Variants in ARMC9 observed in about 807,000 individuals in gnomAD.
ARMC9 encodes the protein armadillo repeat containing 9.
In ARMC9, 94 loss-of-function variants were observed where a neutral mutation model predicts 107.0. That is an observed-to-expected ratio of 0.88 (90% CI 0.74 to 1.04). ARMC9 has a LOEUF of 1.04. Among genes scored for constraint, ARMC9 ranks in the 50% least tolerant of loss-of-function variants. The probability of loss-of-function intolerance (pLI) is 0.00; values close to 1 mark genes in which losing one functional copy is unlikely to be tolerated. For synonymous variants in ARMC9, 380 were observed against 396.9 expected, an observed-to-expected ratio of 0.96 and a Z score of 0.51; for missense variants, 942 against 1,030.1, an observed-to-expected ratio of 0.91 and a Z score of 1.17.
rs1219978932 is a variant in ARMC9 at position 231,375,094 on chromosome 2, A to G, written c.*3559A>G. Reference sequence around the variant, plus strand: ...GAAACTTAGTGGCTTAAACCAACAAATGTATTAGCTTTATAATGATTTGGA... The same window carrying G: ...GAAACTTAGTGGCTTAAACCAACAAGTGTATTAGCTTTATAATGATTTGGA... On this transcript the variant is annotated 3_prime_UTR_variant, in exon 25 of 25. Coordinates refer to ENST00000611582, the MANE Select transcript of ARMC9 (RefSeq NM_001352754.2). This position sits in a 1 kb window ranked among gnomAD's most constrained non-coding sequence, Gnocchi z 4.3. Among the ~76,000 whole-genome samples, 4 of 152,208 alleles carry G rather than the reference A, an allele frequency of 2.6e-5. No individual in the cohort carries two copies. Among genetic ancestry groups the G allele is most frequent in the African/African-American group, 7.2e-5 (3 of 41,456 alleles).
At chr2:231,268,596 T>G (rs1054982636) in intron 12 of ARMC9, among the ~76,000 whole-genome samples, 4 of 152,208 alleles carry the variant, frequency 2.6e-5, no homozygotes, top group African/African-American at 9.6e-5. Flanking sequence ...AACACATCCT[T>G]TAGTTAATAA....
Position 231,323,651 on chromosome 2 carries a change from G to A in ARMC9, c.1774-8142G>A, listed in dbSNP as rs138951856. Among the ~76,000 whole-genome samples, 33 of 152,274 alleles carry A rather than the reference G, an allele frequency of 2.2e-4. 1 individual carries two copies. The highest frequency in any genetic ancestry group is 1.6e-4 in the Non-Finnish European group (11 of 68,026). ...GTTTATATCTACACAGTATCATGGC[G>A]TTCCAAAAGCAGAGAATTTAAGAAA... is the stretch of plus-strand genomic sequence containing the variant. On this transcript the variant is annotated intron_variant, in intron 19 of 24. Coordinates refer to ENST00000611582, the MANE Select transcript of ARMC9 (RefSeq NM_001352754.2).
chr2:231,271,098 A>G, intron 13 of ARMC9, 26 bp downstream of exon 13: 1 of 1,609,766 alleles, frequency 6.2e-7, no homozygotes, highest in South Asian at 1.1e-5. Flanking sequence ...TGCTTCAAAG[A>G]TAAGAGCTAG....
At chr2:231,355,739 C>A in intron 21 of ARMC9, 59 bp from the exon 22 acceptor site, 1 of 1,485,964 alleles carries the variant, frequency 6.7e-7, no homozygotes, top group Non-Finnish European at 9.0e-7. Flanking sequence ...AGTCGGCAGT[C>A]GGCAGTCCGA....
chr2:231,288,424 G>C (rs902561599), intron 17 of ARMC9, among the ~76,000 whole-genome samples: 1 of 152,088 alleles, frequency 6.6e-6, no homozygotes. Context: ...TTCATAACTA[G>C]AGGAAAATAT....
intron 5 of ARMC9, among the ~76,000 whole-genome samples, chr2:231,222,212 G>A (rs2034215348): frequency 6.6e-6 from 1 of 152,116 alleles, no homozygotes. Context: ...TGTTTTTAAA[G>A]GACAAATCAT....
intron 12 of ARMC9, among the ~76,000 whole-genome samples, chr2:231,263,122 C>T (rs781511658): frequency 6.6e-6 from 1 of 152,136 alleles, no homozygotes; most frequent in Non-Finnish European, 1.5e-5. Flanking sequence ...GAATTTGGCA[C>T]GTGTTAAGAG....
rs917810080 is a variant in ARMC9 at position 231,376,723 on chromosome 2, C to G, written c.*5188C>G. Among the ~76,000 whole-genome samples, 4 of 152,136 alleles carry G rather than the reference C, an allele frequency of 2.6e-5. No individual in the cohort carries two copies. The highest frequency in any genetic ancestry group is 4.4e-5 in the Non-Finnish European group (3 of 68,028). On this transcript the variant is annotated 3_prime_UTR_variant, in exon 25 of 25. Coordinates refer to ENST00000611582, the MANE Select transcript of ARMC9 (RefSeq NM_001352754.2). ...AGTACTTGATGTCTGTCACCCACAC[C>G]TATTCGCACACTCCCTCCCCTTTTG...
In ARMC9 at chr2:231,273,008, C is replaced by A. The variant is rs774157523; in HGVS notation, c.1264C>A (p.Leu422Met). The A allele has an allele frequency of 6.2e-7, 1 of 1,613,844 alleles. No homozygotes were observed. Among genetic ancestry groups the A allele is most frequent in the Non-Finnish European group, 8.5e-7 (1 of 1,179,936 alleles). The stretch of plus-strand genomic sequence containing the variant: ...GGTGCTGCAGATGCTGGAGGGAAGG[C>A]TGAAGGAGGAGGACAAGGATATCAT... The part of the protein sequence containing the change: ...TKVLQMLEGR[L>M]KEEDKDIITR... Residue 422 changes from leucine to methionine, a missense_variant, in exon 14 of 25, where the codon CTG (leucine) becomes ATG (methionine). Physicochemically the swap from Leu to Met is conservative, Grantham distance 15. Transcript: ENST00000611582.
chr2:231,294,549 A>G (rs2041232255), intron 18 of ARMC9: 1 of 152,398 alleles, frequency 6.6e-6, no homozygotes, highest in Non-Finnish European at 1.5e-5. Flanking sequence ...ACTTCTCAGG[A>G]CAGGATTATT....
At chr2:231,278,146 T>A (rs2039921224) in intron 15 of ARMC9, among the ~76,000 whole-genome samples, 2 of 152,152 alleles carry the variant, frequency 1.3e-5, no homozygotes, top group Admixed American at 1.3e-4. Context: ...TTACATACAT[T>A]AGTCTACTTA....
Position 231,355,760 on chromosome 2 carries a change from T to C in ARMC9, c.1995-38T>C, listed in dbSNP as rs530518699. ...CAGTCGGCAGTCCGAATCTCCTGGC[T>C]GGCTGTACTCACTGCCGTTTTTCAT... is the stretch of plus-strand genomic sequence containing the variant. On this transcript the variant is annotated intron_variant, in intron 21 of 24. Coordinates refer to ENST00000611582, the MANE Select transcript of ARMC9 (RefSeq NM_001352754.2). 7.9e-6 allele frequency: 12 copies of C among 1,510,898 alleles called. No individual in the cohort carries two copies. The South Asian group carries it at 1.3e-4, about 17-fold the overall frequency. The allele number at this position is 1,510,898 out of a possible 1,614,324, so 93.6% of individuals were successfully genotyped here.
Position 231,346,998 on chromosome 2 carries a change from C to CA in ARMC9, c.1994+1910dup, listed in dbSNP as rs552292561. Reference sequence around the variant, plus strand: ...AAAACCCTGCTTTCATGAGAGGCAACAATGACATAAGGCTATTTTAATCAG... The same window carrying CA: ...AAAACCCTGCTTTCATGAGAGGCAACAAATGACATAAGGCTATTTTAATCAG... On this transcript the variant is annotated intron_variant, in intron 21 of 24. Coordinates refer to ENST00000611582, the MANE Select transcript of ARMC9 (RefSeq NM_001352754.2). Among the ~76,000 whole-genome samples the CA allele has an allele frequency of 6.8e-4, 104 of 152,260 alleles. 1 individual carries two copies. The highest frequency in any genetic ancestry group is 2.3e-3 in the African/African-American group (95 of 41,546).
At chr2:231,200,253 C>A (rs12478335) in intron 1 of ARMC9, among the ~76,000 whole-genome samples, 43,501 of 151,984 alleles carry the variant, frequency 0.29, 6,590 homozygotes, top group African/African-American at 0.37. Flanking sequence ...CGTTCCAGGG[C>A]CTTTAAAATG....
chr2:231,373,172 A>C lies in ARMC9; in HGVS notation c.*1637A>C, dbSNP rs2046092287. 1 of 152,190 alleles carries C rather than the reference A, an allele frequency of 6.6e-6. No homozygotes were observed. The highest frequency in any genetic ancestry group is 2.1e-4 in the South Asian group (1 of 4,822). 9.4% of individuals were successfully genotyped at this position (152,190 alleles called of 1,614,324 possible). On this transcript the variant is annotated 3_prime_UTR_variant, in exon 25 of 25. Coordinates refer to ENST00000611582, the MANE Select transcript of ARMC9 (RefSeq NM_001352754.2). This position sits in a 1 kb window ranked among gnomAD's most constrained non-coding sequence, Gnocchi z 4.4. ...TCTCTGAACTCCTCACTTGACCCGG[A>C]GGCATTGGGAGCAAACACAAAGCTC... is the stretch of plus-strand genomic sequence containing the variant.
intron 21 of ARMC9, among the ~76,000 whole-genome samples, chr2:231,347,461 T>A (rs1559494144): frequency 6.6e-6 from 1 of 151,478 alleles, no homozygotes; most frequent in Non-Finnish European, 1.5e-5. Flanking sequence ...CTACACTGGG[T>A]ACTCCAGACG....
At chr2:231,210,601 C>T (rs968875046) in intron 3 of ARMC9, among the ~76,000 whole-genome samples, 3 of 152,332 alleles carry the variant, frequency 2.0e-5, no homozygotes, top group Admixed American at 6.5e-5. Context: ...TGTGATGATA[C>T]AGGGTAAGGC....
In ARMC9 at chr2:231,236,534, C is replaced by T. The variant is rs555113744; in HGVS notation, c.780+1153C>T. Among the ~76,000 whole-genome samples, 7 of 152,298 alleles carry T rather than the reference C, an allele frequency of 4.6e-5. No individual in the cohort carries two copies. The South Asian group carries it at 6.2e-4, about 14-fold the overall frequency. On this transcript the variant is annotated intron_variant, in intron 8 of 24. Coordinates refer to ENST00000611582, the MANE Select transcript of ARMC9 (RefSeq NM_001352754.2). The stretch of plus-strand genomic sequence containing the variant: ...AATTCAGGCCAGGCACAGTGGCTCA[C>T]GCCTGTAATCCCAGCACTTTGGAAG...
intron 19 of ARMC9, among the ~76,000 whole-genome samples, chr2:231,317,355 G>A (rs1345755583): frequency 2.0e-5 from 3 of 151,992 alleles, no homozygotes; most frequent in South Asian, 2.1e-4. Context: ...ATTTTTAGTC[G>A]AGGCAGGGTT....
Sources: gnomAD v4.1 joint callset for allele counts (sites outside exome capture counted in the v4.1 genomes callset) on GRCh38, gnomAD v4.1.1 for gene constraint, Gnocchi (gnomAD v3.1) non-coding constraint, MANE v1.5 for transcripts, NCBI Gene and HGNC (gene_info 2026-07-23, HGNC 2026-07-21) for gene names.